PAX7: variants seen among roughly 807,000 people sequenced by gnomAD.
The protein encoded by PAX7 is paired box protein Pax-7.
A neutral mutation model predicts 50.7 loss-of-function variants in PAX7; 18 were observed. The ratio of observed to expected loss-of-function variants is 0.36; its 90% CI spans 0.25 to 0.53. The LOEUF is 0.53. PAX7 is among the 20% of genes least tolerant of loss of function. The pLI, the probability that PAX7 is intolerant of heterozygous loss-of-function variation, is 0.93. For synonymous variants in PAX7, 310 were observed against 290.4 expected, an observed-to-expected ratio of 1.07 and a Z score of -0.69; for missense variants, 644 against 702.9, an observed-to-expected ratio of 0.92 and a Z score of 0.95.
Position 18,746,345 on chromosome 1 carries a change from AGAGGC to A in PAX7, c.*1417_*1421del, listed in dbSNP as rs1931438644. On this transcript the variant is annotated 3_prime_UTR_variant, in exon 9 of 9. Coordinates refer to ENST00000420770, the MANE Select transcript of PAX7 (RefSeq NM_001135254.2). ...TGTCAACAATTCCAGAGCAGAGGGA[AGAGGC>A]ACCTTCCTTGACCACACCAGTGGCC... The A allele has an allele frequency of 4.3e-6, 1 of 230,496 alleles. No individual in the cohort carries two copies. The allele number at this position is 230,496 out of a possible 1,614,324, so 14.3% of individuals were successfully genotyped here.
At chr1:18,687,048 G>A (rs1222575249) in intron 4 of PAX7, among the ~76,000 whole-genome samples, 1 of 151,678 alleles carries the variant, frequency 6.6e-6, no homozygotes, top group African/African-American at 2.4e-5. Flanking sequence ...ATACCACCAT[G>A]CCCAGCTAAT....
Position 18,631,451 on chromosome 1 carries a change from G to A in PAX7, c.-153G>A, listed in dbSNP as rs1289075408. ...CGTTTGACTGCAGCCAGGGGTGGGG[G>A]GTGGGGGTAGGGAGTGTGTGTGGAG... On this transcript the variant is annotated 5_prime_UTR_variant, in exon 1 of 9. Coordinates refer to ENST00000420770, the MANE Select transcript of PAX7 (RefSeq NM_001135254.2). 6.1e-6 allele frequency: 4 copies of A among 654,180 alleles called. No homozygotes were observed. The highest frequency in any genetic ancestry group is 1.1e-5 in the Non-Finnish European group (4 of 369,426). The allele number at this position is 654,180 out of a possible 1,614,324, so 40.5% of individuals were successfully genotyped here.
At chr1:18,684,518 C>T (rs1337456701) in intron 4 of PAX7, among the ~76,000 whole-genome samples, 8 of 152,220 alleles carry the variant, frequency 5.3e-5, no homozygotes, top group Non-Finnish European at 1.2e-4. Flanking sequence ...CCCCGTACAC[C>T]GTGCGCTGGT....
At chr1:18,697,376 C>A (rs556033390) in intron 5 of PAX7, among the ~76,000 whole-genome samples, 1 of 152,328 alleles carries the variant, frequency 6.6e-6, no homozygotes, top group Admixed American at 6.5e-5. Flanking sequence ...GAGACGCTGG[C>A]AGAGACCCTT....
chr1:18,643,702 C>A (rs536598582), intron 4 of PAX7, among the ~76,000 whole-genome samples: 1 of 152,214 alleles, frequency 6.6e-6, no homozygotes, highest in Non-Finnish European at 1.5e-5. Flanking sequence ...TTTGATCCTT[C>A]GTGGCTTCGC....
At chr1:18,644,644 C>T in intron 4 of PAX7, among the ~76,000 whole-genome samples, 1 of 152,034 alleles carries the variant, frequency 6.6e-6, no homozygotes, top group Non-Finnish European at 1.5e-5. Flanking sequence ...CTGATTCCAG[C>T]ATCAGGAAGC....
intron 4 of PAX7, among the ~76,000 whole-genome samples, chr1:18,686,066 G>A (rs1423522460): frequency 6.6e-6 from 1 of 152,142 alleles, no homozygotes; most frequent in Non-Finnish European, 1.5e-5. Flanking sequence ...CTGCTTTAAC[G>A]AGCCACAAGC....
Position 18,691,926 on chromosome 1 carries a change from G to A in PAX7, c.759G>A (p.Arg253=), listed in dbSNP as rs1300476588. The A allele has an allele frequency of 1.2e-6, 2 of 1,613,926 alleles. No individual in the cohort carries two copies. The highest frequency in any genetic ancestry group is 1.7e-6 in the Non-Finnish European group (2 of 1,179,980). Residue 253 remains arginine, a synonymous_variant, in exon 5 of 9, where the codon AGG becomes AGA. Coordinates refer to ENST00000420770, the MANE Select transcript of PAX7 (RefSeq NM_001135254.2). ...DIYTREELAQ[R]TKLTEARVQV... ...ACACCCGCGAGGAGCTGGCGCAGAGGACCAAGCTGACAGAGGCGCGTGTGC... is the reference window on the plus strand; with the variant it reads ...ACACCCGCGAGGAGCTGGCGCAGAGAACCAAGCTGACAGAGGCGCGTGTGC...
In PAX7 at chr1:18,735,048, C is replaced by A. The variant is rs1366337907; in HGVS notation, c.1156-584C>A. 1.3e-5 allele frequency among the ~76,000 whole-genome samples: 2 copies of A among 152,148 alleles called. No homozygotes were observed. The highest frequency in any genetic ancestry group is 6.5e-5 in the Admixed American group (1 of 15,278). ...GAGCTGGTAGAATCAAAGGAAGGGG[C>A]CTGAGAGGCTCTTTGAAAGCATTGG... On this transcript the variant is annotated intron_variant, in intron 7 of 8. Coordinates refer to ENST00000420770, the MANE Select transcript of PAX7 (RefSeq NM_001135254.2). The surrounding 1 kb of genome is among the most constrained non-coding windows in gnomAD (Gnocchi z 4.0).
Position 18,744,681 on chromosome 1 carries a change from G to A in PAX7, c.1403-133G>A, listed in dbSNP as rs1444662903. 279 of 614,246 alleles carry A rather than the reference G, an allele frequency of 4.5e-4. No homozygotes were observed. The East Asian group carries it at 7.9e-3, about 17-fold the overall frequency. 38.0% of individuals were successfully genotyped at this position (614,246 alleles called of 1,614,324 possible). On this transcript the variant is annotated intron_variant, in intron 8 of 8. Coordinates refer to ENST00000420770, the MANE Select transcript of PAX7 (RefSeq NM_001135254.2). ...GGACGGATGGATGGATGGATGGATGGATGGATAAATGGATGGATGGATGGA... is the reference window on the plus strand; with the variant it reads ...GGACGGATGGATGGATGGATGGATGAATGGATAAATGGATGGATGGATGGA...
chr1:18,748,530 T>A lies in PAX7; in HGVS notation c.*3601T>A, dbSNP rs942985305. Reference sequence around the variant, plus strand: ...ATTTGATGCTTCTTCAAGTCAGCTCTGACGTGGCCAATTCCCTGACCTGGG... The same window carrying A: ...ATTTGATGCTTCTTCAAGTCAGCTCAGACGTGGCCAATTCCCTGACCTGGG... On this transcript the variant is annotated 3_prime_UTR_variant, in exon 9 of 9. Coordinates refer to ENST00000420770, the MANE Select transcript of PAX7 (RefSeq NM_001135254.2). 3.0e-5 allele frequency: 7 copies of A among 231,260 alleles called. No homozygotes were observed. Among genetic ancestry groups the A allele is most frequent in the Non-Finnish European group, 6.0e-5 (7 of 116,870 alleles). The allele number at this position is 231,260 out of a possible 1,614,324, so 14.3% of individuals were successfully genotyped here. A position where few individuals can be genotyped will look rare whatever the true frequency, so the allele number is the denominator to read the frequency against.
chr1:18,737,704 C>T (rs1009502145), intron 8 of PAX7, among the ~76,000 whole-genome samples: 24 of 152,242 alleles, frequency 1.6e-4, no homozygotes, highest in African/African-American at 5.8e-4. Context: ...ATGTGCACAT[C>T]TGTGTGTGTG....
At chr1:18,658,613 T>C (rs1367281936) in intron 4 of PAX7, among the ~76,000 whole-genome samples, 1 of 152,234 alleles carries the variant, frequency 6.6e-6, no homozygotes, top group African/African-American at 2.4e-5. Context: ...GATTTTCAGC[T>C]GCTGCATGCA....
intron 7 of PAX7, among the ~76,000 whole-genome samples, chr1:18,715,459 G>T (rs765470878): frequency 6.6e-6 from 1 of 152,158 alleles, no homozygotes; most frequent in African/African-American, 2.4e-5. Context: ...TCATTTAATC[G>T]TTATAACATC....
intron 7 of PAX7, among the ~76,000 whole-genome samples, chr1:18,731,780 T>C (rs1274095837): frequency 6.6e-6 from 1 of 152,080 alleles, no homozygotes; most frequent in Non-Finnish European, 1.5e-5. Flanking sequence ...TTTGATTTGA[T>C]GTTCCAGGGC....
At chr1:18,683,131 C>G (rs2088922590) in intron 4 of PAX7, among the ~76,000 whole-genome samples, 1 of 152,188 alleles carries the variant, frequency 6.6e-6, no homozygotes, top group Non-Finnish European at 1.5e-5. Flanking sequence ...CTCCCCTCCA[C>G]CCATCTCCCC....
intron 7 of PAX7, among the ~76,000 whole-genome samples, chr1:18,710,618 G>A (rs2089338637): frequency 6.6e-6 from 1 of 151,916 alleles, no homozygotes. Context: ...GATATTGGAA[G>A]GTTTTGCCTA....
At chr1:18,740,205 C>T (rs1931053114) in intron 8 of PAX7, among the ~76,000 whole-genome samples, 2 of 152,222 alleles carry the variant, frequency 1.3e-5, no homozygotes, top group South Asian at 4.1e-4. Context: ...GCCGGCCCCT[C>T]GGCTCCACCC....
chr1:18,669,125 T>C (rs538455237), intron 4 of PAX7, among the ~76,000 whole-genome samples: 8 of 152,216 alleles, frequency 5.3e-5, no homozygotes, highest in Non-Finnish European at 1.2e-4. Flanking sequence ...GGGTCTCTCC[T>C]TTCCTTCTGC....
Sources: gnomAD v4.1 joint callset for allele counts (sites outside exome capture counted in the v4.1 genomes callset) on GRCh38, gnomAD v4.1.1 for gene constraint, Gnocchi (gnomAD v3.1) non-coding constraint, MANE v1.5 for transcripts, NCBI Gene and HGNC (gene_info 2026-07-23, HGNC 2026-07-21) for gene names.